The following TRHDE variants were observed in gnomAD, a reference collection of about 807,000 sequenced individuals.
The protein encoded by TRHDE is thyrotropin-releasing hormone-degrading ectoenzyme.
A neutral mutation model predicts 125.7 loss-of-function variants in TRHDE; 72 were observed. That is an observed-to-expected ratio of 0.57 (90% CI 0.47 to 0.70). The LOEUF is 0.70. Among genes scored for constraint, TRHDE ranks in the 30% least tolerant of loss-of-function variants. The pLI, the probability that TRHDE is intolerant of heterozygous loss-of-function variation, is 0.00. For missense variants in TRHDE, 1,110 were observed against 1,327.1 expected, an observed-to-expected ratio of 0.84 and a Z score of 2.54; for synonymous variants, 509 against 509.1, an observed-to-expected ratio of 1.00 and a Z score of 0.00.
intron 2 of TRHDE, among the ~76,000 whole-genome samples, chr12:72,292,972 G>A (rs965604654): frequency 1.3e-5 from 2 of 152,156 alleles, no homozygotes; most frequent in South Asian, 2.1e-4. Context: ...TCTGCTCCAC[G>A]ATGTCTGAGG....
chr12:72,396,164 T>C (rs952877819), intron 3 of TRHDE, among the ~76,000 whole-genome samples: 11 of 152,200 alleles, frequency 7.2e-5, no homozygotes, highest in African/African-American at 2.2e-4. Flanking sequence ...AACTAAATTA[T>C]CTTTAAACAA....
At chr12:72,436,082 T>C (rs1042126337) in intron 3 of TRHDE, among the ~76,000 whole-genome samples, 1 of 152,092 alleles carries the variant, frequency 6.6e-6, no homozygotes, top group African/African-American at 2.4e-5. Flanking sequence ...TGTTTTATTA[T>C]GTGGAGTTTG....
intron 1 of TRHDE, among the ~76,000 whole-genome samples, chr12:72,090,200 T>C (rs571687904): frequency 6.6e-6 from 1 of 152,290 alleles, no homozygotes; most frequent in East Asian, 1.9e-4. Flanking sequence ...AGGGAGAGCA[T>C]AGTTAGGTAA....
At chr12:72,409,280 G>A (rs1592423924) in intron 3 of TRHDE, among the ~76,000 whole-genome samples, 1 of 152,194 alleles carries the variant, frequency 6.6e-6, no homozygotes, top group East Asian at 1.9e-4. Flanking sequence ...GCATACCCAG[G>A]GAAGATATAT....
intron 2 of TRHDE, among the ~76,000 whole-genome samples, chr12:72,204,925 A>T (rs998648050): frequency 1.3e-5 from 2 of 152,346 alleles, no homozygotes; most frequent in African/African-American, 4.8e-5. Context: ...TGGATTTGCC[A>T]TCTTTATTTC....
intron 2 of TRHDE, among the ~76,000 whole-genome samples, chr12:72,199,446 GT>G (rs1401691301): frequency 6.6e-6 from 1 of 152,182 alleles, no homozygotes; most frequent in Non-Finnish European, 1.5e-5. Context: ...GATAGAGCCT[GT>G]TGGGCTGGTG....
intron 2 of TRHDE, among the ~76,000 whole-genome samples, chr12:72,127,084 A>G (rs1875730985): frequency 6.6e-6 from 1 of 152,228 alleles, no homozygotes; most frequent in African/African-American, 2.4e-5. Context: ...GCCAACAAAC[A>G]TATGAAAAAA....
intron 2 of TRHDE, among the ~76,000 whole-genome samples, chr12:72,152,657 G>T (rs543249196): frequency 6.6e-6 from 1 of 152,158 alleles, no homozygotes; most frequent in African/African-American, 2.4e-5. Flanking sequence ...AGATAATCAC[G>T]TGTTTTTTGT....
intron 2 of TRHDE, among the ~76,000 whole-genome samples, chr12:72,134,149 A>G (rs2139309772): frequency 6.6e-6 from 1 of 152,332 alleles, no homozygotes; most frequent in South Asian, 2.1e-4. Context: ...TTTGGATTAG[A>G]AAAGTAACCA....
chr12:72,351,294 C>T lies in TRHDE; in HGVS notation c.1189-26701C>T, dbSNP rs544572219. ...ATATATTGGTCTGCAAAATTAGTTC[C>T]GCCATGTTACGAAAGTTTATATTAC... On this transcript the variant is annotated intron_variant, in intron 2 of 18. Transcript: ENST00000261180. Among the ~76,000 whole-genome samples, 4 of 151,990 alleles carry T rather than the reference C, an allele frequency of 2.6e-5. No individual in the cohort carries two copies. The South Asian group carries it at 6.2e-4, about 24-fold the overall frequency.
intron 2 of TRHDE, among the ~76,000 whole-genome samples, chr12:72,230,349 C>A (rs1338898799): frequency 6.6e-6 from 1 of 152,152 alleles, no homozygotes; most frequent in Non-Finnish European, 1.5e-5. Flanking sequence ...GCTGTCGTAA[C>A]AGTTGCTTCA....
chr12:72,618,919 C>T lies in TRHDE; in HGVS notation c.2350C>T (p.Leu784=), dbSNP rs1030963042. ...RAGYLPQNIP[L]EIIRYLSEEK... ...TGGCTATTTGCCTCAGAATATTCCT[C>T]TGGAGATTATCAGATACCTGTCTGA... The change falls in exon 13 of 19, where the codon CTG becomes TTG. Residue 784 remains leucine, a synonymous_variant. Transcript: ENST00000261180. The T allele has an allele frequency of 1.3e-6, 2 of 1,570,182 alleles. No individual in the cohort carries two copies. The highest frequency in any genetic ancestry group is 1.4e-5 in the African/African-American group (1 of 72,230).
intron 12 of TRHDE, among the ~76,000 whole-genome samples, chr12:72,608,221 C>G (rs1254539273): frequency 1.3e-5 from 2 of 152,144 alleles, no homozygotes; most frequent in Non-Finnish European, 1.5e-5. Flanking sequence ...TTCACGCTTT[C>G]CTTCTCAGGC....
chr12:72,444,321 T>G (rs150358294), intron 3 of TRHDE, among the ~76,000 whole-genome samples: 1 of 151,920 alleles, frequency 6.6e-6, no homozygotes, highest in Non-Finnish European at 1.5e-5. Flanking sequence ...ACTGTAAAAG[T>G]CTGTCTTTCA....
At chr12:72,427,400 C>A (rs1874236088) in intron 3 of TRHDE, among the ~76,000 whole-genome samples, 1 of 152,102 alleles carries the variant, frequency 6.6e-6, no homozygotes, top group Non-Finnish European at 1.5e-5. Context: ...GGCTGTAAGT[C>A]ATTTCATCCT....
chr12:72,473,434 AG>A (rs1565756206), intron 5 of TRHDE, among the ~76,000 whole-genome samples: 1 of 152,204 alleles, frequency 6.6e-6, no homozygotes, highest in African/African-American at 2.4e-5. Flanking sequence ...TTTCAATTGT[AG>A]TATTTTATAG....
chr12:72,586,846 A>C (rs1469331789), intron 12 of TRHDE, among the ~76,000 whole-genome samples: 1 of 152,100 alleles, frequency 6.6e-6, no homozygotes, highest in African/African-American at 2.4e-5. Flanking sequence ...TTAGTCTAGA[A>C]GTCTGTGTTT....
chr12:72,583,691 A>G (rs1041365532), intron 12 of TRHDE, among the ~76,000 whole-genome samples: 7 of 152,128 alleles, frequency 4.6e-5, no homozygotes, highest in African/African-American at 1.7e-4. Flanking sequence ...CCTAGAGTAT[A>G]TTTCTGGATT....
intron 15 of TRHDE, among the ~76,000 whole-genome samples, chr12:72,633,031 A>G (rs1374309928): frequency 6.6e-6 from 1 of 151,994 alleles, no homozygotes; most frequent in African/African-American, 2.4e-5. Flanking sequence ...CCTCTTTCTG[A>G]CTATCCAATT....
Sources: allele counts gnomAD v4.1 joint callset (sites outside exome capture counted in the v4.1 genomes callset), GRCh38; gene constraint gnomAD v4.1.1; transcripts MANE v1.5; gene names NCBI Gene and HGNC (gene_info 2026-07-23, HGNC 2026-07-21).